SDCCAG8: variants seen among roughly 807,000 people sequenced by gnomAD.
SDCCAG8 encodes the protein SHH signaling and ciliogenesis regulator SDCCAG8.
In SDCCAG8, 74 loss-of-function variants were observed where a neutral mutation model predicts 101.8. The ratio of observed to expected loss-of-function variants is 0.73; its 90% confidence interval spans 0.60 to 0.88. The LOEUF (loss-of-function observed/expected upper bound fraction) is 0.88. Among genes scored for constraint, SDCCAG8 ranks in the 40% least tolerant of loss-of-function variants. The pLI is 0.00. For missense variants in SDCCAG8, 787 were observed against 822.6 expected (o/e 0.96, Z 0.53); for synonymous variants, 281 against 292.9 (o/e 0.96, Z 0.41).
intron 10 of SDCCAG8, among the ~76,000 whole-genome samples, chr1:243,333,706 T>C (rs543268211): frequency 6.6e-6 from 1 of 152,352 alleles, no homozygotes; most frequent in East Asian, 1.9e-4. Flanking sequence ...TTCAGTCTTA[T>C]TCTCCTTAAA....
intron 12 of SDCCAG8, among the ~76,000 whole-genome samples, chr1:243,370,313 T>G (rs1327800217): frequency 6.6e-6 from 1 of 152,132 alleles, no homozygotes; most frequent in Non-Finnish European, 1.5e-5. Context: ...CTATATTATT[T>G]TAAAGAAAAA....
chr1:243,407,063 A>G (rs1173663067), intron 13 of SDCCAG8, among the ~76,000 whole-genome samples: 1 of 151,932 alleles, frequency 6.6e-6, no homozygotes, highest in East Asian at 1.9e-4. Flanking sequence ...AAACTCGTTT[A>G]TTTTGTTCAC....
chr1:243,260,055 T>C (rs1558195195), intron 1 of SDCCAG8, among the ~76,000 whole-genome samples: 1 of 152,214 alleles, frequency 6.6e-6, no homozygotes, highest in Non-Finnish European at 1.5e-5. Context: ...ATTTGCTGTT[T>C]GACTTCTCTA....
chr1:243,256,083 G>C lies in SDCCAG8; in HGVS notation c.-91G>C. The C allele has an allele frequency of 8.1e-7, 1 of 1,230,488 alleles. No individual in the cohort carries two copies. The highest frequency in any genetic ancestry group is 2.3e-5 in the East Asian group (1 of 43,162). The allele number at this position is 1,230,488 out of a possible 1,614,324, so 76.2% of individuals were successfully genotyped here. A position where few individuals can be genotyped will look rare whatever the true frequency, so the allele number is the denominator to read the frequency against. ...GACAGCCGCGGCAGGAAGCAGGCGG[G>C]CGCTCCCCGGCCACAGGCCTGTTGT... is the stretch of plus-strand genomic sequence containing the variant. On this transcript the variant is annotated 5_prime_UTR_variant, in exon 1 of 18. Coordinates refer to ENST00000366541, the MANE Select transcript of SDCCAG8 (RefSeq NM_006642.5).
intron 17 of SDCCAG8, among the ~76,000 whole-genome samples, chr1:243,493,266 CAG>C (rs1274878525): frequency 6.6e-6 from 1 of 151,740 alleles, no homozygotes; most frequent in Non-Finnish European, 1.5e-5. Context: ...TGGTGGGTCT[CAG>C]GGGAGTTTGG....
intron 16 of SDCCAG8, among the ~76,000 whole-genome samples, chr1:243,430,679 C>T (rs1001215969): frequency 1.3e-5 from 2 of 152,000 alleles, no homozygotes; most frequent in African/African-American, 2.4e-5. Context: ...ACCTCGTGAT[C>T]CGCCAGCCTC....
chr1:243,333,675 C>T lies in SDCCAG8; in HGVS notation c.1221+2983C>T, dbSNP rs373958964. 3.9e-5 allele frequency among the ~76,000 whole-genome samples: 6 copies of T among 152,328 alleles called. No homozygotes were observed. The East Asian group carries it at 1.2e-3, about 29-fold the overall frequency. The stretch of plus-strand genomic sequence containing the variant: ...GCTATGTTCACTGAAGATCTGTTTA[C>T]ACTATATTTACTGATTTTTTTTCAG... On this transcript the variant is annotated intron_variant, in intron 10 of 17. Coordinates refer to ENST00000366541, the MANE Select transcript of SDCCAG8 (RefSeq NM_006642.5).
chr1:243,312,992 C>T (rs1281329495), intron 8 of SDCCAG8, among the ~76,000 whole-genome samples: 1 of 152,238 alleles, frequency 6.6e-6, no homozygotes, highest in Non-Finnish European at 1.5e-5. Flanking sequence ...AGTACCTTCA[C>T]ATGGTAACCA....
At chr1:243,449,133 A>T (rs1294144884) in intron 16 of SDCCAG8, among the ~76,000 whole-genome samples, 3 of 152,174 alleles carry the variant, frequency 2.0e-5, no homozygotes, top group African/African-American at 7.2e-5. Flanking sequence ...ATATGCTTTG[A>T]TCTCATTATA....
At chr1:243,499,577 G>T (rs1257361329) in intron 17 of SDCCAG8, 179 bp from the exon 18 acceptor site, 2 of 648,004 alleles carry the variant, frequency 3.1e-6, no homozygotes, top group Non-Finnish European at 5.5e-6. Flanking sequence ...ATATGTGAAG[G>T]GCTTTGATGT....
intron 12 of SDCCAG8, among the ~76,000 whole-genome samples, chr1:243,368,409 C>A (rs2077106642): frequency 6.6e-6 from 1 of 152,026 alleles, no homozygotes; most frequent in African/African-American, 2.4e-5. Context: ...CATTATAAGA[C>A]CATCATATTT....
chr1:243,404,699 T>G (rs949944559), intron 13 of SDCCAG8, among the ~76,000 whole-genome samples: 3 of 152,132 alleles, frequency 2.0e-5, no homozygotes, highest in Admixed American at 6.5e-5. Context: ...TGGACTACAG[T>G]GGTCTTGTTG....
chr1:243,491,149 ATC>A (rs1038002923), intron 17 of SDCCAG8, among the ~76,000 whole-genome samples: 5 of 152,214 alleles, frequency 3.3e-5, no homozygotes, highest in African/African-American at 7.2e-5. Flanking sequence ...TTAACTCCCC[ATC>A]TGCCTGCTTT....
chr1:243,345,670 C>T (rs1307989053), intron 12 of SDCCAG8, among the ~76,000 whole-genome samples: 1 of 152,140 alleles, frequency 6.6e-6, no homozygotes, highest in African/African-American at 2.4e-5. Flanking sequence ...TGCAAAAATA[C>T]ATCAGGAAAG....
chr1:243,309,496 G>T (rs79436113), intron 8 of SDCCAG8, among the ~76,000 whole-genome samples: 4 of 152,292 alleles, frequency 2.6e-5, no homozygotes, highest in Non-Finnish European at 4.4e-5. Context: ...AACTCACTCA[G>T]GTTGGGGGTG....
chr1:243,497,888 C>T (rs1046148334), intron 17 of SDCCAG8, among the ~76,000 whole-genome samples: 1 of 152,088 alleles, frequency 6.6e-6, no homozygotes, highest in Non-Finnish European at 1.5e-5. Context: ...CACTATGTTG[C>T]CCAGGCTGGT....
intron 13 of SDCCAG8, among the ~76,000 whole-genome samples, chr1:243,390,688 G>A (rs1281021982): frequency 1.3e-5 from 2 of 152,138 alleles, no homozygotes; most frequent in South Asian, 2.1e-4. Context: ...TGGTGGCAGC[G>A]GCAGCCAACT....
intron 17 of SDCCAG8, among the ~76,000 whole-genome samples, chr1:243,497,333 C>G (rs1190163674): frequency 4.2e-4 from 2 of 4,796 alleles, no homozygotes; most frequent in African/African-American, 2.2e-3. Flanking sequence ...GCTGTAGGCA[C>G]GGGTGGGGGG....
At chr1:243,394,956 A>G (rs1370141914) in intron 13 of SDCCAG8, among the ~76,000 whole-genome samples, 2 of 152,154 alleles carry the variant, frequency 1.3e-5, no homozygotes, top group Non-Finnish European at 2.9e-5. Context: ...GCAATGACGC[A>G]TTAAGCAGGT....
Sources: gnomAD v4.1 joint callset for allele counts (sites outside exome capture counted in the v4.1 genomes callset) on GRCh38, gnomAD v4.1.1 for gene constraint, MANE v1.5 for transcripts, NCBI Gene and HGNC (gene_info 2026-07-23, HGNC 2026-07-21) for gene names.